Variants in GPC5 observed in about 807,000 individuals in gnomAD.
GPC5 encodes the protein glypican-5.
GPC5 carries 47 observed loss-of-function variants against 53.9 expected under a neutral mutation model. That is an observed-to-expected ratio of 0.87 (90% CI 0.69 to 1.11). The LOEUF is 1.11. Among genes scored for constraint, GPC5 ranks in the 50% most tolerant of loss-of-function variants. The probability of loss-of-function intolerance (pLI) is 0.00; values close to 1 mark genes in which losing one functional copy is unlikely to be tolerated. For missense variants in GPC5, 748 were observed against 713.1 expected, an observed-to-expected ratio of 1.05 and a Z score of -0.56; for synonymous variants, 286 against 263.3, an observed-to-expected ratio of 1.09 and a Z score of -0.84.
chr13:92,771,320 A>G (rs1446531601), intron 7 of GPC5, among the ~76,000 whole-genome samples: 1 of 151,826 alleles, frequency 6.6e-6, no homozygotes, highest in South Asian at 2.1e-4. Context: ...GGCCTACTCT[A>G]TTTTTCAAAA....
chr13:91,791,691 G>T (rs971325309), intron 5 of GPC5, among the ~76,000 whole-genome samples: 4 of 148,628 alleles, frequency 2.7e-5, no homozygotes, highest in African/African-American at 1.0e-4. Flanking sequence ...GCAGCTCTCC[G>T]TTGTAAAATT....
intron 2 of GPC5, among the ~76,000 whole-genome samples, chr13:91,592,414 G>T (rs1416523647): frequency 6.6e-6 from 1 of 152,162 alleles, no homozygotes; most frequent in African/African-American, 2.4e-5. Context: ...CTGGCACTGT[G>T]CCTGCATTTC....
chr13:92,408,332 T>C (rs1875881863), intron 7 of GPC5, among the ~76,000 whole-genome samples: 1 of 152,200 alleles, frequency 6.6e-6, no homozygotes, highest in Non-Finnish European at 1.5e-5. Flanking sequence ...ACAGACTTCC[T>C]TTCTTCTTAT....
chr13:91,641,040 C>T (rs925188410), intron 2 of GPC5, among the ~76,000 whole-genome samples: 5 of 152,192 alleles, frequency 3.3e-5, no homozygotes, highest in Non-Finnish European at 7.4e-5. Context: ...GAAAACCAAA[C>T]ACTGCGGCCG....
At chr13:92,375,114 G>A (rs2043683632) in intron 7 of GPC5, among the ~76,000 whole-genome samples, 1 of 152,164 alleles carries the variant, frequency 6.6e-6, no homozygotes, top group Non-Finnish European at 1.5e-5. Flanking sequence ...AAGATCAAAG[G>A]TAGATAATTA....
intron 7 of GPC5, among the ~76,000 whole-genome samples, chr13:92,305,457 T>C (rs913003581): frequency 1.3e-5 from 2 of 151,880 alleles, no homozygotes; most frequent in African/African-American, 4.8e-5. Context: ...GCCTCTACCC[T>C]TTTTTTTAAA....
intron 5 of GPC5, among the ~76,000 whole-genome samples, chr13:91,898,675 G>T (rs1284213031): frequency 1.1e-5 from 1 of 89,296 alleles, no homozygotes. Context: ...TGTCACCAAA[G>T]ACAGACAAAA....
intron 7 of GPC5, among the ~76,000 whole-genome samples, chr13:92,360,196 C>G (rs570844562): frequency 6.6e-6 from 1 of 151,600 alleles, no homozygotes; most frequent in Non-Finnish European, 1.5e-5. Flanking sequence ...GCCTAGGGTG[C>G]CTTCTAGCAT....
chr13:92,629,953 T>C (rs1242450783), intron 7 of GPC5, among the ~76,000 whole-genome samples: 1 of 152,016 alleles, frequency 6.6e-6, no homozygotes, highest in African/African-American at 2.4e-5. Flanking sequence ...GATAAAAGAG[T>C]GCATTTGATA....
Position 91,644,561 on chromosome 13 carries a change from T to C in GPC5, c.326-48626T>C, listed in dbSNP as rs116767927. 5.2e-3 allele frequency among the ~76,000 whole-genome samples: 798 copies of C among 152,332 alleles called. 11 individuals are homozygous for C. Among genetic ancestry groups the C allele is most frequent in the African/African-American group, 0.018 (762 of 41,580 alleles). On this transcript the variant is annotated intron_variant, in intron 2 of 7. Coordinates refer to ENST00000377067, the MANE Select transcript of GPC5 (RefSeq NM_004466.6). Reference sequence around the variant, plus strand: ...GTTTCTCTTGGTAGCCTTTTATTTCTTGCATTCGCATCCTTTACTAATCAA... The same window carrying C: ...GTTTCTCTTGGTAGCCTTTTATTTCCTGCATTCGCATCCTTTACTAATCAA...
intron 6 of GPC5, among the ~76,000 whole-genome samples, chr13:92,106,669 T>G (rs1470514806): frequency 2.0e-5 from 3 of 152,122 alleles, no homozygotes; most frequent in Non-Finnish European, 2.9e-5. Flanking sequence ...TACCATCTTC[T>G]GCAACTCTTT....
At chr13:92,199,247 A>G (rs1051331673) in intron 7 of GPC5, among the ~76,000 whole-genome samples, 1 of 152,188 alleles carries the variant, frequency 6.6e-6, no homozygotes. Context: ...TTTCTGTTTT[A>G]CTGCACGGAC....
chr13:91,949,223 T>C (rs2139056621), intron 6 of GPC5, among the ~76,000 whole-genome samples: 1 of 152,328 alleles, frequency 6.6e-6, no homozygotes, highest in Middle Eastern at 3.4e-3. Context: ...CGAAGGACAG[T>C]CATCTCCATG....
chr13:92,029,451 C>T (rs554343001), intron 6 of GPC5, among the ~76,000 whole-genome samples: 1 of 152,282 alleles, frequency 6.6e-6, no homozygotes, highest in South Asian at 2.1e-4. Flanking sequence ...CATAATCAAG[C>T]TAGAAGGGAG....
chr13:92,720,127 A>G (rs1470437987), intron 7 of GPC5, among the ~76,000 whole-genome samples: 1 of 152,098 alleles, frequency 6.6e-6, no homozygotes, highest in Non-Finnish European at 1.5e-5. Context: ...TACTCTATCT[A>G]CTCTGGCAAA....
chr13:92,749,584 AC>A (rs987902644), intron 7 of GPC5, among the ~76,000 whole-genome samples: 1 of 152,112 alleles, frequency 6.6e-6, no homozygotes, highest in Non-Finnish European at 1.5e-5. Flanking sequence ...ATTCTGACAA[AC>A]CTTTTTAATG....
chr13:91,911,841 T>C (rs1203609497), intron 6 of GPC5, among the ~76,000 whole-genome samples: 1 of 152,182 alleles, frequency 6.6e-6, no homozygotes, highest in Non-Finnish European at 1.5e-5. Context: ...TTTGGTGGGA[T>C]GATAGTGTCA....
chr13:91,436,465 A>C (rs1879970963), intron 1 of GPC5, among the ~76,000 whole-genome samples: 1 of 152,142 alleles, frequency 6.6e-6, no homozygotes, highest in South Asian at 2.1e-4. Context: ...ATTCAGGAGC[A>C]GGTTGTTCAG....
At chr13:92,284,018 A>G (rs1006327641) in intron 7 of GPC5, among the ~76,000 whole-genome samples, 1 of 151,900 alleles carries the variant, frequency 6.6e-6, no homozygotes, top group African/African-American at 2.4e-5. Flanking sequence ...GAAGAAAAGA[A>G]GAATCAAATA....
Sources: gnomAD v4.1 joint callset for allele counts (sites outside exome capture counted in the v4.1 genomes callset) on GRCh38, gnomAD v4.1.1 for gene constraint, MANE v1.5 for transcripts, NCBI Gene and HGNC (gene_info 2026-07-23, HGNC 2026-07-21) for gene names.